Variants in BAZ2B observed in about 807,000 individuals in gnomAD.
The protein encoded by BAZ2B is bromodomain adjacent to zinc finger domain 2B, also known as bromodomain adjacent to zinc finger domain protein 2B.
In BAZ2B, 91 loss-of-function variants were observed where a neutral mutation model predicts 246.0. The observed-to-expected ratio is 0.37, with a 90% CI of 0.31 to 0.44. The LOEUF (loss-of-function observed/expected upper bound fraction) is 0.44. BAZ2B is among the 20% of genes least tolerant of loss of function. BAZ2B has a pLI of 1.00. For synonymous variants in BAZ2B, 855 were observed against 860.0 expected (o/e 0.99, Z 0.10); for missense variants, 2,332 against 2,533.7 (o/e 0.92, Z 1.71).
chr2:159,589,006 T>C (rs1031780522), intron 1 of BAZ2B, among the ~76,000 whole-genome samples: 2 of 152,184 alleles, frequency 1.3e-5, no homozygotes, highest in African/African-American at 4.8e-5. Flanking sequence ...TACATGCAGA[T>C]GCCAGAATTA....
chr2:159,453,613 C>T lies in BAZ2B; in HGVS notation c.334G>A (p.Gly112Ser). ...AACACTGTTTGTAACAGATGTTTACCTGGAAAAGATGCTAGTTGGGGATGT... is the reference window on the plus strand; with the variant it reads ...AACACTGTTTGTAACAGATGTTTACTTGGAAAAGATGCTAGTTGGGGATGT... Reference protein sequence around the residue: ...AAHPQLASFPGAEWWRTTDAH... With the variant: ...AAHPQLASFPSAEWWRTTDAH... Residue 112 changes from glycine to serine, a missense_variant and splice_region_variant, in exon 4 of 37, where the codon GGT (glycine) becomes AGT (serine). Around this residue, in one of 9 missense-constraint regions of BAZ2B, gnomAD observed 242 missense variants for 237.4 expected, o/e 1.02. Coordinates refer to ENST00000392783, the MANE Select transcript of BAZ2B (RefSeq NM_013450.4). 3 of 1,598,358 alleles carry T rather than the reference C, an allele frequency of 1.9e-6. No individual in the cohort carries two copies. Among genetic ancestry groups the T allele is most frequent in the Non-Finnish European group, 2.6e-6 (3 of 1,172,214 alleles).
intron 3 of BAZ2B, chr2:159,462,636 C>G (rs1342464904): frequency 3.2e-6 from 3 of 946,490 alleles, no homozygotes; most frequent in Non-Finnish European, 5.2e-6. Context: ...TTATGACTAA[C>G]CAACTGAACA....
intron 1 of BAZ2B, among the ~76,000 whole-genome samples, chr2:159,593,610 G>A (rs540159469): frequency 7.4e-4 from 112 of 152,288 alleles, no homozygotes; most frequent in Non-Finnish European, 1.4e-3. Flanking sequence ...TAAATTGTGT[G>A]CCATTTTGAG....
At chr2:159,438,928 A>T in intron 7 of BAZ2B, 81 bp downstream of exon 7, 1 of 1,415,112 alleles carries the variant, frequency 7.1e-7, no homozygotes, top group Non-Finnish European at 9.6e-7. Flanking sequence ...CTTTAAAACT[A>T]CAGACTTTGA....
chr2:159,690,758 G>C, the BAZ2B span, among the ~76,000 whole-genome samples: 2 of 152,070 alleles, frequency 1.3e-5, no homozygotes, highest in East Asian at 3.8e-4. Flanking sequence ...AAGTATATAT[G>C]GCTAAATTTG....
intron 2 of BAZ2B, among the ~76,000 whole-genome samples, chr2:159,495,774 C>CT (rs199528121): frequency 0.089 from 12,110 of 136,734 alleles, 715 homozygotes; most frequent in East Asian, 0.28. Context: ...AGAAGAAATA[C>CT]TTTTTTTTTT....
Position 159,332,574 on chromosome 2 carries a change from T to C in BAZ2B, c.5909A>G (p.Asp1970Gly), listed in dbSNP as rs751054456. Residue 1970 changes from aspartate (D) to glycine (G), a missense_variant, in exon 34 of 37, where the codon GAT becomes GGT. Asp to Gly is a moderately conservative substitution (Grantham distance 94, BLOSUM62 -1). Around this residue, in one of 9 missense-constraint regions of BAZ2B, gnomAD observed 210 missense variants for 232.5 expected, o/e 0.90. Transcript: ENST00000392783. ...CHRPKITTIPDGDWFCPACIA... is the reference protein window; with the variant it reads ...CHRPKITTIPGGDWFCPACIA... ...GCAAGCTGGACAAAACCAGTCTCCATCTGGGATTGTTGTAATCTTGGGTCT... is the reference window on the plus strand; with the variant it reads ...GCAAGCTGGACAAAACCAGTCTCCACCTGGGATTGTTGTAATCTTGGGTCT... The C allele has an allele frequency of 2.2e-5, 36 of 1,613,932 alleles. No homozygotes were observed. The highest frequency in any genetic ancestry group is 3.1e-5 in the Non-Finnish European group (36 of 1,179,952).
intron 2 of BAZ2B, among the ~76,000 whole-genome samples, chr2:159,488,876 T>A (rs906842945): frequency 6.6e-6 from 1 of 152,122 alleles, no homozygotes; most frequent in Non-Finnish European, 1.5e-5. Flanking sequence ...AGAAGTGAAT[T>A]AGTCACAAAC....
At chr2:159,398,968 T>C in intron 17 of BAZ2B, 74 bp from the exon 18 acceptor site, 1 of 1,355,114 alleles carries the variant, frequency 7.4e-7, no homozygotes, top group Middle Eastern at 1.8e-4. Context: ...AGACTTGAAA[T>C]GAAGCTACAT....
At chr2:159,515,783 A>G (rs2083377626) in intron 2 of BAZ2B, among the ~76,000 whole-genome samples, 1 of 152,124 alleles carries the variant, frequency 6.6e-6, no homozygotes, top group South Asian at 2.1e-4. Context: ...TTGTTTTTAT[A>G]TCATAAGGAT....
intron 2 of BAZ2B, among the ~76,000 whole-genome samples, chr2:159,522,941 A>G (rs891494558): frequency 5.3e-5 from 8 of 152,148 alleles, no homozygotes; most frequent in African/African-American, 1.9e-4. Context: ...TATAGTCCAC[A>G]GACCAGCAAC....
At chr2:159,325,148 T>G (rs2159873) in intron 35 of BAZ2B, among the ~76,000 whole-genome samples, 194 bp from the exon 36 acceptor site, 2 of 76,650 alleles carry the variant, frequency 2.6e-5, no homozygotes, top group African/African-American at 5.2e-5. Flanking sequence ...TATATATATA[T>G]GAGATAGGGT....
intron 16 of BAZ2B, among the ~76,000 whole-genome samples, chr2:159,404,070 G>C (rs2065515045): frequency 6.6e-6 from 1 of 152,036 alleles, no homozygotes; most frequent in Non-Finnish European, 1.5e-5. Flanking sequence ...TATTTATATA[G>C]TAACATAATT....
chr2:159,646,734 A>C, the BAZ2B span, among the ~76,000 whole-genome samples: 9 of 152,230 alleles, frequency 5.9e-5, no homozygotes, highest in African/African-American at 2.2e-4. Context: ...CCATGGGCTC[A>C]TACCAATCTG....
chr2:159,660,576 T>G, the BAZ2B span, among the ~76,000 whole-genome samples: 1 of 152,166 alleles, frequency 6.6e-6, no homozygotes, highest in Non-Finnish European at 1.5e-5. Context: ...CCATAAGCAG[T>G]GTACAAGGGT....
chr2:159,344,740 A>G (rs1271776165), intron 31 of BAZ2B, among the ~76,000 whole-genome samples: 1 of 152,160 alleles, frequency 6.6e-6, no homozygotes, highest in African/African-American at 2.4e-5. Flanking sequence ...ATGGAACTGG[A>G]GGACATTACT....
chr2:159,391,571 C>T (rs2063334215), intron 20 of BAZ2B, among the ~76,000 whole-genome samples: 1 of 152,130 alleles, frequency 6.6e-6, no homozygotes, highest in Admixed American at 6.6e-5. Flanking sequence ...GACACTGATG[C>T]TCTTTTCACT....
the BAZ2B span, among the ~76,000 whole-genome samples, chr2:159,687,684 T>A: frequency 1.1e-4 from 17 of 152,352 alleles, no homozygotes; most frequent in East Asian, 9.7e-4. Flanking sequence ...TGTCCCTGAG[T>A]TCTGTAAGCT....
intron 1 of BAZ2B, among the ~76,000 whole-genome samples, chr2:159,605,995 C>G (rs1693400408): frequency 6.6e-6 from 1 of 152,214 alleles, no homozygotes; most frequent in Non-Finnish European, 1.5e-5. Context: ...TTACTATTCA[C>G]ACTGCCCTTC....
Sources: allele counts gnomAD v4.1 joint callset (sites outside exome capture counted in the v4.1 genomes callset), GRCh38; gene constraint gnomAD v4.1.1; regional missense constraint gnomAD v4.1.1; transcripts MANE v1.5; gene names NCBI Gene and HGNC (gene_info 2026-07-23, HGNC 2026-07-21).